CHD9: variants seen among roughly 807,000 people sequenced by gnomAD.
CHD9 encodes the protein chromodomain helicase DNA binding protein 9, also known as ATP-dependent chromatin remodeler CHD9.
Under a neutral mutation model 316.1 loss-of-function variants are expected in CHD9, and 77 were observed. The ratio of observed to expected loss-of-function variants is 0.24; its 90% CI spans 0.20 to 0.29. CHD9 has a LOEUF of 0.29. CHD9 is among the 10% of genes least tolerant of loss of function. The probability of loss-of-function intolerance (pLI) is 1.00; values close to 1 mark genes in which losing one functional copy is unlikely to be tolerated. For missense variants in CHD9, 2,763 were observed against 3,438.1 expected (o/e 0.80, Z 4.91); for synonymous variants, 1,129 against 1,158.3 (o/e 0.97, Z 0.51).
At position 53,304,489 on chromosome 16, in the gene CHD9, A is replaced by T; in HGVS notation, c.6483A>T (p.Ser2161=). ...CCTCTTCTTGCTCCCACTCTCGATC[A>T]GGCTCTAGTTCTTCTTCATCTTCAT... The part of the protein sequence containing the change: ...SSSSSCSHSR[S]GSSSSSSSSC... Residue 2161 remains serine (S), a synonymous_variant, in exon 31 of 39, where the codon TCA becomes TCT. Coordinates refer to ENST00000447540, the MANE Select transcript of CHD9 (RefSeq NM_001308319.2). 6.4e-7 allele frequency: 1 copy of T among 1,555,374 alleles called. No homozygotes were observed. Among genetic ancestry groups the T allele is most frequent in the Non-Finnish European group, 8.7e-7 (1 of 1,149,138 alleles).
At position 53,132,793 on chromosome 16, in the gene CHD9, C is replaced by CTTTTTTT. The variant is rs748626858; in HGVS notation, c.-164-23112_-164-23106dup. 4.5e-4 allele frequency among the ~76,000 whole-genome samples: 31 copies of CTTTTTTT among 68,506 alleles called. 2 individuals are homozygous for CTTTTTTT. The highest frequency in any genetic ancestry group is 5.7e-4 in the Non-Finnish European group (19 of 33,608). The allele number at this position is 68,506 out of a possible 152,430, so 44.9% of individuals were successfully genotyped here. Reference sequence around the variant, plus strand: ...AGACTTTCCATTTCTTCTAATTCTGCTTTTTTTTTTTTTTTTTTTTTTTTT... The same window carrying CTTTTTTT: ...AGACTTTCCATTTCTTCTAATTCTGCTTTTTTTTTTTTTTTTTTTTTTTTTTTTTTTT... On this transcript the variant is annotated intron_variant, in intron 1 of 38. Coordinates refer to ENST00000447540, the MANE Select transcript of CHD9 (RefSeq NM_001308319.2).
chr16:53,149,853 G>A lies in CHD9; in HGVS notation c.-164-6073G>A, dbSNP rs80311554. Among the ~76,000 whole-genome samples, 74 of 151,622 alleles carry A rather than the reference G, an allele frequency of 4.9e-4. 1 individual carries two copies. Among genetic ancestry groups the A allele is most frequent in the African/African-American group, 1.6e-3 (67 of 41,408 alleles). ...GGGATTGTGGCAGGTATGAGTCACC[G>A]TGCAAGGCCCTCTTGTAACCTTTTT... On this transcript the variant is annotated intron_variant, in intron 1 of 38. Coordinates refer to ENST00000447540, the MANE Select transcript of CHD9 (RefSeq NM_001308319.2).
At chr16:53,252,113 A>G (rs1292356768) in intron 17 of CHD9, among the ~76,000 whole-genome samples, 1 of 152,202 alleles carries the variant, frequency 6.6e-6, no homozygotes, top group Non-Finnish European at 1.5e-5. Flanking sequence ...AAGCCAAAAG[A>G]ACAAATCTGA....
chr16:53,181,432 GTAATT>G lies in CHD9; in HGVS notation c.1452+23895_1452+23899del, dbSNP rs567762693. ...CAATTACTATGGTACAGTAATTTAA[GTAATT>G]TAAGTAATTTGCTTAAGTAATATAC... On this transcript the variant is annotated intron_variant, in intron 2 of 38. Transcript: ENST00000447540. 6.8e-3 allele frequency among the ~76,000 whole-genome samples: 1,040 copies of G among 152,226 alleles called. 6 individuals are homozygous for G. Among genetic ancestry groups the G allele is most frequent in the Middle Eastern group, 0.014 (4 of 294 alleles).
chr16:53,207,388 T>C (rs1056169449), intron 2 of CHD9, among the ~76,000 whole-genome samples: 1 of 152,174 alleles, frequency 6.6e-6, no homozygotes, highest in South Asian at 2.1e-4. Context: ...AGGTTTTTTA[T>C]GTTACGAAAA....
In CHD9 at chr16:53,324,188, C is replaced by T. The variant is rs2057443847; in HGVS notation, c.7987C>T (p.Leu2663=). ...VSGNPLLANG[L]LPGVDLTTLQ... ...AGGCAATCCTTTGTTAGCCAATGGA[C>T]TACTTCCAGGTGTGGATCTCACAAC... The change falls in exon 39 of 39, where the codon CTA becomes TTA. Residue 2663 remains leucine, a synonymous_variant. Transcript: ENST00000447540. 1.2e-6 allele frequency: 2 copies of T among 1,614,036 alleles called. No individual in the cohort carries two copies. Among genetic ancestry groups the T allele is most frequent in the Non-Finnish European group, 1.7e-6 (2 of 1,179,886 alleles).
intron 37 of CHD9, 175 bp from the exon 38 acceptor site, chr16:53,321,351 C>A: frequency 7.2e-7 from 1 of 1,384,782 alleles, no homozygotes; most frequent in Non-Finnish European, 9.3e-7. Flanking sequence ...TTATATATTA[C>A]ATCAGTAGTC....
At chr16:53,241,054 C>G (rs1039102582) in intron 12 of CHD9, among the ~76,000 whole-genome samples, 1 of 151,934 alleles carries the variant, frequency 6.6e-6, no homozygotes, top group African/African-American at 2.4e-5. Flanking sequence ...TAATTTATAC[C>G]TATTTTAATA....
chr16:53,093,984 G>A (rs1016363508), intron 1 of CHD9, among the ~76,000 whole-genome samples: 4 of 152,198 alleles, frequency 2.6e-5, no homozygotes, highest in African/African-American at 9.6e-5. Flanking sequence ...GCCTAACAAT[G>A]TGTGCCTCTG....
chr16:53,256,253 G>A (rs556487179), intron 19 of CHD9, among the ~76,000 whole-genome samples: 2 of 152,048 alleles, frequency 1.3e-5, no homozygotes, highest in South Asian at 4.2e-4. Flanking sequence ...CGTGAGGTCA[G>A]GAGTATCTAA....
chr16:53,200,383 A>G (rs993290695), intron 2 of CHD9, among the ~76,000 whole-genome samples: 1 of 150,726 alleles, frequency 6.6e-6, no homozygotes, highest in African/African-American at 2.5e-5. Context: ...AAAAAAAAAA[A>G]AAAAAAACCA....
chr16:53,088,930 G>C (rs2035701300), intron 1 of CHD9, among the ~76,000 whole-genome samples: 1 of 152,018 alleles, frequency 6.6e-6, no homozygotes, highest in South Asian at 2.1e-4. Context: ...TGGCCAATAT[G>C]GTGAAACCCC....
chr16:53,126,222 GT>G (rs2038963117), intron 1 of CHD9, among the ~76,000 whole-genome samples: 1 of 152,048 alleles, frequency 6.6e-6, no homozygotes, highest in Non-Finnish European at 1.5e-5. Flanking sequence ...TTATTGTTTT[GT>G]GTGGTGTGAG....
intron 2 of CHD9, among the ~76,000 whole-genome samples, chr16:53,182,845 T>G (rs536326847): frequency 6.6e-6 from 1 of 152,326 alleles, no homozygotes; most frequent in South Asian, 2.1e-4. Context: ...AGACTTACTT[T>G]TCATTGAAAT....
chr16:53,069,746 A>G lies in CHD9; in HGVS notation c.-165+14669A>G, dbSNP rs145993033. On this transcript the variant is annotated intron_variant, in intron 1 of 38. Transcript: ENST00000447540. ...GTTCCTACTTGCAATTCTGTTGAAT[A>G]TATACCTATAATGGAATTGCTGGAT... Among the ~76,000 whole-genome samples, 7 of 152,340 alleles carry G rather than the reference A, an allele frequency of 4.6e-5. No homozygotes were observed. In the East Asian group the frequency reaches 1.3e-3, roughly 29 times the overall value.
intron 2 of CHD9, among the ~76,000 whole-genome samples, chr16:53,190,313 T>C (rs1032693571): frequency 3.3e-5 from 5 of 152,096 alleles, no homozygotes; most frequent in African/African-American, 1.2e-4. Context: ...TTGTCTACAC[T>C]GAGAATCAAA....
At chr16:53,069,032 T>A (rs546044423) in intron 1 of CHD9, among the ~76,000 whole-genome samples, 2 of 152,152 alleles carry the variant, frequency 1.3e-5, no homozygotes, top group South Asian at 4.1e-4. Flanking sequence ...TGAGACAGGG[T>A]CTTGCTCTAC....
At chr16:53,180,866 G>A (rs541740357) in intron 2 of CHD9, among the ~76,000 whole-genome samples, 5 of 151,750 alleles carry the variant, frequency 3.3e-5, no homozygotes, top group African/African-American at 4.8e-5. Context: ...TAATGGAGAC[G>A]GGGTTTCACC....
chr16:53,097,348 C>T (rs1011151179), intron 1 of CHD9, among the ~76,000 whole-genome samples: 1 of 145,810 alleles, frequency 6.9e-6, no homozygotes, highest in Non-Finnish European at 1.5e-5. Flanking sequence ...CCTCTAACCT[C>T]GCTCTCCCTT....
Sources: gnomAD v4.1 joint callset for allele counts (sites outside exome capture counted in the v4.1 genomes callset) on GRCh38, gnomAD v4.1.1 for gene constraint, MANE v1.5 for transcripts, NCBI Gene and HGNC (gene_info 2026-07-23, HGNC 2026-07-21) for gene names.